The following OASL variants were observed in gnomAD, a reference collection of about 807,000 sequenced individuals.
OASL encodes 2'-5'-oligoadenylate synthetase like.
A neutral mutation model predicts 35.3 loss-of-function variants in OASL; 28 were observed. The ratio of observed to expected loss-of-function variants is 0.79; its 90% CI spans 0.59 to 1.09. OASL has a LOEUF of 1.09. Ranked by LOEUF, OASL falls within the 50% of genes least tolerant of loss-of-function variation. OASL has a pLI of 0.00. For missense variants in OASL, 620 were observed against 635.2 expected, an observed-to-expected ratio of 0.98 and a Z score of 0.26; for synonymous variants, 252 against 254.6, an observed-to-expected ratio of 0.99 and a Z score of 0.10.
At chr12:121,025,846 T>C (rs1869461144) in intron 4 of OASL, among the ~76,000 whole-genome samples, 2 of 151,846 alleles carry the variant, frequency 1.3e-5, no homozygotes, top group Non-Finnish European at 2.9e-5. Flanking sequence ...CGACTTCATC[T>C]GTGTAATCGA....
At chr12:121,028,903 A>G (rs1372873947) in intron 3 of OASL, among the ~76,000 whole-genome samples, 1 of 151,792 alleles carries the variant, frequency 6.6e-6, no homozygotes, top group Non-Finnish European at 1.5e-5. Flanking sequence ...CGTCTCTACT[A>G]AAAATACAAA....
chr12:121,029,334 T>C (rs1869634358), intron 3 of OASL, among the ~76,000 whole-genome samples: 1 of 152,152 alleles, frequency 6.6e-6, no homozygotes, highest in Non-Finnish European at 1.5e-5. Flanking sequence ...TTCCTATAGG[T>C]CACTGACTTA....
exon 6 of OASL, chr12:121,020,695 T>C: frequency 6.2e-7 from 1 of 1,614,204 alleles, no homozygotes; most frequent in South Asian, 1.1e-5. Context: ...TGCTGCTTTT[T>C]AGGAAGCCCC....
chr12:121,031,329 C>G lies in OASL; in HGVS notation c.657+113G>C, dbSNP rs112120050. 1.3e-3 allele frequency: 1,355 copies of G among 1,018,426 alleles called. 14 individuals carry two copies. In the African/African-American group the frequency reaches 0.018, roughly 14 times the overall value. The allele number at this position is 1,018,426 out of a possible 1,614,324, so 63.1% of individuals were successfully genotyped here. ...CAAAAGACTAGCATTCTCTCCCTCTCTACCTGCTTCCATTTCCCCTGGCTG... is the reference window on the plus strand; with the variant it reads ...CAAAAGACTAGCATTCTCTCCCTCTGTACCTGCTTCCATTTCCCCTGGCTG... On this transcript the variant is annotated intron_variant, in intron 3 of 5. Transcript: ENST00000257570.
downstream of OASL, among the ~76,000 whole-genome samples, chr12:121,018,360 AG>A (rs1869107241): frequency 6.6e-6 from 1 of 150,930 alleles, no homozygotes; most frequent in Non-Finnish European, 1.5e-5. Context: ...CTCGGTCTTC[AG>A]GGGGTAGGTG....
At chr12:121,021,147 A>T (rs185021090) in intron 5 of OASL, 89 bp from the exon 6 acceptor site, 70 of 1,354,964 alleles carry the variant, frequency 5.2e-5, no homozygotes, top group Non-Finnish European at 3.7e-5. Flanking sequence ...TTATCTTTAC[A>T]ATAGTAGCAG....
At chr12:121,037,390 AG>A (rs1454791125) in intron 1 of OASL, among the ~76,000 whole-genome samples, 3 of 151,938 alleles carry the variant, frequency 2.0e-5, no homozygotes, top group East Asian at 3.9e-4. Context: ...AATCTCAGTG[AG>A]GGGGGCTTGG....
intron 3 of OASL, 132 bp downstream of exon 3, chr12:121,031,310 A>G (rs1035614955): frequency 3.8e-6 from 3 of 793,828 alleles, no homozygotes; most frequent in Non-Finnish European, 6.0e-6. Flanking sequence ...ATTTCAAAAG[A>G]CTAGCATTCT....
intron 5 of OASL, among the ~76,000 whole-genome samples, chr12:121,021,727 C>T (rs1207324518): frequency 6.6e-6 from 1 of 152,128 alleles, no homozygotes; most frequent in Non-Finnish European, 1.5e-5. Context: ...GGGAGAATCT[C>T]TTGAACACAG....
intron 2 of OASL, 22 bp from the exon 3 acceptor site, chr12:121,031,639 G>C (rs766736723): frequency 1.2e-6 from 2 of 1,603,838 alleles, no homozygotes; most frequent in Non-Finnish European, 1.7e-6. Flanking sequence ...AGGAGCAAAG[G>C]AAGAGATTGG....
exon 6 of OASL, chr12:121,019,698 C>T (rs925058328): frequency 6.6e-6 from 1 of 152,186 alleles, no homozygotes; most frequent in African/African-American, 2.4e-5. Flanking sequence ...CTAACAAAGG[C>T]GATTTATTCC....
exon 6 of OASL, chr12:121,020,876 C>A (rs540107798): frequency 1.2e-6 from 2 of 1,614,054 alleles, no homozygotes; most frequent in Admixed American, 3.3e-5. Context: ...CTAAGGAGCA[C>A]CTGCTGCTGA....
intron 5 of OASL, 46 bp from the exon 6 acceptor site, chr12:121,021,104 T>C (rs1263776975): frequency 6.7e-7 from 1 of 1,501,050 alleles, no homozygotes; most frequent in Non-Finnish European, 8.8e-7. Context: ...CACACTTCTT[T>C]GTCTGATGTG....
intron 1 of OASL, among the ~76,000 whole-genome samples, chr12:121,037,065 G>A (rs1869983200): frequency 6.6e-6 from 1 of 152,094 alleles, no homozygotes; most frequent in Non-Finnish European, 1.5e-5. Flanking sequence ...CATATGCTGG[G>A]GATAGGTGCA....
chr12:121,038,296 A>C (rs73214167), intron 1 of OASL, among the ~76,000 whole-genome samples: 30,087 of 152,104 alleles, frequency 0.2, 3,181 homozygotes, highest in Non-Finnish European at 0.24. Context: ...AACAAAAGAC[A>C]ACCTTCTGAT....
At chr12:121,022,827 TC>T (rs1475796157) in intron 5 of OASL, among the ~76,000 whole-genome samples, 2 of 152,300 alleles carry the variant, frequency 1.3e-5, no homozygotes, top group East Asian at 3.9e-4. Flanking sequence ...TCTGGTGACT[TC>T]AGTTAACATT....
intron 4 of OASL, 118 bp from the exon 5 acceptor site, chr12:121,024,255 G>A (rs765084476): frequency 1.9e-5 from 21 of 1,131,748 alleles, no homozygotes; most frequent in African/African-American, 9.3e-5. Context: ...TCCACATCCC[G>A]GGGATGTTCA....
At chr12:121,031,702 T>A in intron 2 of OASL, 85 bp from the exon 3 acceptor site, 1 of 1,198,292 alleles carries the variant, frequency 8.3e-7, no homozygotes, top group Non-Finnish European at 1.2e-6. Flanking sequence ...AGCCTGCCTT[T>A]ACATTGGAAG....
At chr12:121,026,711 T>A (rs747586000) in intron 4 of OASL, among the ~76,000 whole-genome samples, 3 of 151,756 alleles carry the variant, frequency 2.0e-5, no homozygotes, top group Non-Finnish European at 4.4e-5. Context: ...ATCAGCTGGG[T>A]GTGGGTTGTA....
Sources: gnomAD v4.1 joint callset for allele counts (sites outside exome capture counted in the v4.1 genomes callset) on GRCh38, gnomAD v4.1.1 for gene constraint, MANE v1.5 for transcripts, NCBI Gene and HGNC (gene_info 2026-07-23, HGNC 2026-07-21) for gene names.